The following PALM2AKAP2 variants were observed in gnomAD, a reference collection of about 807,000 sequenced individuals.
PALM2AKAP2 encodes the protein PALM2 and AKAP2 fusion.
In PALM2AKAP2, 37 loss-of-function variants were observed where a neutral mutation model predicts 71.5. That is an observed-to-expected ratio of 0.52 (90% CI 0.40 to 0.68). The LOEUF is 0.68. Ranked by LOEUF, PALM2AKAP2 falls within the 30% of genes least tolerant of loss-of-function variation. PALM2AKAP2 has a pLI of 0.00. For synonymous variants in PALM2AKAP2, 468 were observed against 478.8 expected, an observed-to-expected ratio of 0.98 and a Z score of 0.29; for missense variants, 1,224 against 1,191.8, an observed-to-expected ratio of 1.03 and a Z score of -0.40.
At chr9:109,749,086 T>A (rs551005106) in intron 1 of PALM2AKAP2, among the ~76,000 whole-genome samples, 1 of 152,290 alleles carries the variant, frequency 6.6e-6, no homozygotes, top group East Asian at 1.9e-4. Context: ...ATATCAGATG[T>A]GCTCTCCCTT....
At chr9:109,865,786 G>A (rs1829433806) in intron 1 of PALM2AKAP2, among the ~76,000 whole-genome samples, 1 of 152,208 alleles carries the variant, frequency 6.6e-6, no homozygotes, top group Admixed American at 6.5e-5. Flanking sequence ...CAGTGGGAAT[G>A]ACTGACAAAG....
At chr9:109,680,527 G>T (rs966798348) in intron 1 of PALM2AKAP2, among the ~76,000 whole-genome samples, 6 of 152,220 alleles carry the variant, frequency 3.9e-5, no homozygotes, top group Admixed American at 2.6e-4. Flanking sequence ...CTCTTTGGCA[G>T]TTTGGTGGAG....
intron 1 of PALM2AKAP2, among the ~76,000 whole-genome samples, chr9:109,673,621 C>G (rs1178514337): frequency 2.0e-5 from 3 of 151,898 alleles, no homozygotes; most frequent in Non-Finnish European, 4.4e-5. Flanking sequence ...TCCATTTAAT[C>G]GAGTGCTGAG....
chr9:110,110,858 A>T (rs1263113756), intron 1 of PALM2AKAP2, among the ~76,000 whole-genome samples: 1 of 151,604 alleles, frequency 6.6e-6, no homozygotes, highest in African/African-American at 2.4e-5. Flanking sequence ...ATGCTCCTGA[A>T]TTCTTAAATA....
At chr9:109,691,869 C>T (rs200255359) in intron 1 of PALM2AKAP2, among the ~76,000 whole-genome samples, 5,237 of 42,956 alleles carry the variant, frequency 0.12, 340 homozygotes, top group Middle Eastern at 0.19. Flanking sequence ...TATATATATA[C>T]ACACACACAC....
At chr9:110,097,779 A>C (rs998956030) in intron 1 of PALM2AKAP2, among the ~76,000 whole-genome samples, 7 of 142,956 alleles carry the variant, frequency 4.9e-5, no homozygotes, top group Non-Finnish European at 7.5e-5. Flanking sequence ...CAGAGGCTGC[A>C]ATCTCGGCAC....
chr9:109,919,969 A>G (rs1000523149), intron 3 of PALM2AKAP2, among the ~76,000 whole-genome samples: 3 of 152,120 alleles, frequency 2.0e-5, no homozygotes, highest in Non-Finnish European at 4.4e-5. Flanking sequence ...CTTCTGAACT[A>G]TATAGCTGAG....
intron 1 of PALM2AKAP2, among the ~76,000 whole-genome samples, chr9:109,823,541 G>C (rs1230124243): frequency 1.3e-5 from 2 of 152,212 alleles, no homozygotes. Flanking sequence ...TGTGTTACCT[G>C]TCTAGTGTTG....
upstream of PALM2AKAP2, among the ~76,000 whole-genome samples, chr9:109,777,324 G>GGAGGACT (rs1230114734): frequency 1.3e-5 from 2 of 152,248 alleles, no homozygotes; most frequent in East Asian, 3.9e-4. Flanking sequence ...ATGTCCTCTT[G>GGAGGACT]ACTAATTAGA....
intron 3 of PALM2AKAP2, among the ~76,000 whole-genome samples, chr9:109,918,303 T>C (rs944433711): frequency 6.6e-5 from 10 of 152,222 alleles, no homozygotes; most frequent in African/African-American, 2.2e-4. Flanking sequence ...CCTTTCTGTT[T>C]TCTTGTGAGG....
chr9:109,881,909 G>A (rs1829864597), intron 3 of PALM2AKAP2, among the ~76,000 whole-genome samples: 2 of 92,530 alleles, frequency 2.2e-5, no homozygotes, highest in African/African-American at 6.4e-5. Context: ...TTTTTAGATG[G>A]AGTCTCGCTC....
chr9:110,069,301 C>T (rs1363557601), intron 1 of PALM2AKAP2, among the ~76,000 whole-genome samples: 2 of 152,214 alleles, frequency 1.3e-5, no homozygotes, highest in Non-Finnish European at 2.9e-5. Context: ...CTGCTCCCAA[C>T]CATTCAACAT....
intron 1 of PALM2AKAP2, among the ~76,000 whole-genome samples, chr9:109,863,435 G>T (rs1014308177): frequency 6.6e-6 from 1 of 152,172 alleles, no homozygotes; most frequent in African/African-American, 2.4e-5. Flanking sequence ...GTAGAGGGTG[G>T]GGGATTGCTT....
Position 110,156,314 on chromosome 9 carries a change from T to G in PALM2AKAP2, c.2570-5T>G. 6.4e-7 allele frequency: 1 copy of G among 1,566,510 alleles called. No individual in the cohort carries two copies. The highest frequency in any genetic ancestry group is 8.6e-7 in the Non-Finnish European group (1 of 1,156,750). ...AGAAAGGGTATTTTCTTCGTGTTGT[T>G]TCAGGGAAAATAGAGAAAGTCAAAC... On this transcript the variant is annotated splice_region_variant and splice_polypyrimidine_tract_variant and intron_variant, in intron 2 of 3. Coordinates refer to ENST00000374525, the Ensembl canonical transcript of PALM2AKAP2.
chr9:110,037,592 T>C (rs949414994), intron 7 of PALM2AKAP2, among the ~76,000 whole-genome samples: 11 of 152,230 alleles, frequency 7.2e-5, no homozygotes, highest in East Asian at 1.9e-4. Flanking sequence ...CTTGTACTTA[T>C]GTAGATTACA....
rs544388121 is a variant in PALM2AKAP2 at position 109,839,866 on chromosome 9, G to A, written c.46-27625G>A. ...ACCACTGCTCAACGAAATAGAAGAG[G>A]ACACAAACAAATGGAAGAATATTCC... On this transcript the variant is annotated intron_variant, in intron 1 of 9. Transcript: ENST00000302798. Among the ~76,000 whole-genome samples, 123 of 152,286 alleles carry A rather than the reference G, an allele frequency of 8.1e-4. 1 individual carries two copies. Among genetic ancestry groups the A allele is most frequent in the Middle Eastern group, 6.8e-3 (2 of 294 alleles).
At chr9:110,136,130 C>A (rs749178187) in exon 2 of PALM2AKAP2, 1 of 1,568,888 alleles carries the variant, frequency 6.4e-7, no homozygotes, top group Non-Finnish European at 8.6e-7. Context: ...ATTCCAGAAG[C>A]CTCCCCAGCT....
intron 1 of PALM2AKAP2, among the ~76,000 whole-genome samples, chr9:109,784,821 G>T (rs1222715603): frequency 6.6e-6 from 1 of 152,260 alleles, no homozygotes; most frequent in African/African-American, 2.4e-5. Context: ...ACACTGTGCA[G>T]GTGGTCTCAG....
rs552687922 is a variant in PALM2AKAP2 at position 110,080,832 on chromosome 9, C to G, written c.156+31977C>G. Among the ~76,000 whole-genome samples the G allele has an allele frequency of 3.9e-5, 6 of 152,244 alleles. No homozygotes were observed. In the South Asian group the frequency reaches 1.2e-3, roughly 32 times the overall value. Reference sequence around the variant, plus strand: ...TAGCTGGGATTACAGGCACCCGCCACCATGACCAGCTAATATTTTGTATTT... The same window carrying G: ...TAGCTGGGATTACAGGCACCCGCCAGCATGACCAGCTAATATTTTGTATTT... On this transcript the variant is annotated intron_variant, in intron 1 of 3. Transcript: ENST00000374525.
Sources: allele counts gnomAD v4.1 joint callset (sites outside exome capture counted in the v4.1 genomes callset), GRCh38; gene constraint gnomAD v4.1.1; transcripts MANE v1.5; gene names NCBI Gene and HGNC (gene_info 2026-07-23, HGNC 2026-07-21).